ARHGEF18: variants seen among roughly 807,000 people sequenced by gnomAD.
ARHGEF18 encodes rho guanine nucleotide exchange factor 18.
Under a neutral mutation model 155.7 loss-of-function variants are expected in ARHGEF18, and 93 were observed. The observed-to-expected ratio is 0.60, with a 90% CI of 0.50 to 0.71. The LOEUF (loss-of-function observed/expected upper bound fraction) is 0.71. Among genes scored for constraint, ARHGEF18 ranks in the 30% least tolerant of loss-of-function variants. ARHGEF18 has a pLI of 0.00. For missense variants in ARHGEF18, 1,593 were observed against 1,816.1 expected (o/e 0.88, Z 2.23); for synonymous variants, 742 against 753.1 (o/e 0.99, Z 0.24).
chr19:7,467,569 G>T lies in ARHGEF18; in HGVS notation c.3365G>T (p.Arg1122Leu). 2.0e-6 allele frequency: 3 copies of T among 1,492,828 alleles called. No individual in the cohort carries two copies. The highest frequency in any genetic ancestry group is 2.7e-6 in the Non-Finnish European group (3 of 1,130,142). 92.5% of individuals were successfully genotyped at this position (1,492,828 alleles called of 1,614,324 possible). Residue 1122 changes from arginine (R) to leucine (L), a missense_variant, in exon 26 of 29, where the codon CGG (arginine) becomes CTG (leucine). Transcript: ENST00000668164. ...QRQAYQHDLE[R>L]LREAQRAVER... ...CAGGCCTACCAGCACGACCTGGAGC[G>T]GCTGCGCGAGGCCCAGCGTGCCGTG...
chr19:7,375,790 A>T lies in ARHGEF18; in HGVS notation c.346A>T (p.Asn116Tyr). The change falls in exon 4 of 29, where the codon AAC becomes TAC. Residue 116 changes from asparagine (N) to tyrosine (Y), a missense_variant. Asn to Tyr is a moderately radical substitution (Grantham distance 143). Transcript: ENST00000668164. ...LPRTLASLAL[N>Y]LPGGGLKTWT... ...CCGAACACTGGCCAGCCTTGCTTTG[A>T]ACCTGCCAGGAGGAGGGCTGAAGAC... is the stretch of plus-strand genomic sequence containing the variant. 3.2e-6 allele frequency: 4 copies of T among 1,234,492 alleles called. No homozygotes were observed. Among genetic ancestry groups the T allele is most frequent in the Middle Eastern group, 4.1e-4 (2 of 4,842 alleles). The allele number at this position is 1,234,492 out of a possible 1,614,324, so 76.5% of individuals were successfully genotyped here.
At chr19:7,387,656 C>T (rs772274268) in intron 10 of ARHGEF18, among the ~76,000 whole-genome samples, 1 of 151,980 alleles carries the variant, frequency 6.6e-6, no homozygotes, top group Non-Finnish European at 1.5e-5. Flanking sequence ...TCGGTGGTTC[C>T]CAAGCTACAT....
chr19:7,412,400 T>C (rs1972740484), intron 10 of ARHGEF18, among the ~76,000 whole-genome samples: 1 of 151,906 alleles, frequency 6.6e-6, no homozygotes, highest in Non-Finnish European at 1.5e-5. Context: ...ATGAGGGTCC[T>C]GGTTTCTCCG....
chr19:7,440,452 C>A lies in ARHGEF18; in HGVS notation c.1076C>A (p.Pro359Gln). The A allele has an allele frequency of 6.2e-7, 1 of 1,600,242 alleles. No homozygotes were observed. Among genetic ancestry groups the A allele is most frequent in the African/African-American group, 1.3e-5 (1 of 75,036 alleles). Reference protein sequence around the residue: ...VSQKGGPQPTPSPAGPGTQLG... With the variant: ...VSQKGGPQPTQSPAGPGTQLG... Reference sequence around the variant, plus strand: ...CAGAAAGGGGGTCCCCAGCCAACACCGAGCCCGGCTGGCCCTGGGACGCAA... The same window carrying A: ...CAGAAAGGGGGTCCCCAGCCAACACAGAGCCCGGCTGGCCCTGGGACGCAA... The change falls in exon 11 of 29, where the codon CCG (proline) becomes CAG (glutamine). Residue 359 changes from proline (P) to glutamine (Q), a missense_variant. Pro to Gln is a moderately conservative substitution (Grantham distance 76). Coordinates refer to ENST00000668164, the MANE Select transcript of ARHGEF18 (RefSeq NM_001367823.1). The surrounding 1 kb of genome is among the most constrained non-coding windows in gnomAD (Gnocchi z 5.4).
intron 15 of ARHGEF18, among the ~76,000 whole-genome samples, chr19:7,450,131 G>A (rs566677041): frequency 5.6e-4 from 85 of 151,608 alleles, no homozygotes; most frequent in African/African-American, 1.1e-3. Context: ...GGCAGAAACC[G>A]AGATGTTAAT....
At chr19:7,423,662 G>A (rs1482047413) in intron 10 of ARHGEF18, among the ~76,000 whole-genome samples, 5 of 149,798 alleles carry the variant, frequency 3.3e-5, no homozygotes, top group South Asian at 2.1e-4. Context: ...CCGAGATCGC[G>A]CCACTGCACT....
chr19:7,383,798 A>G (rs1380361844), intron 10 of ARHGEF18, among the ~76,000 whole-genome samples: 1 of 122,650 alleles, frequency 8.2e-6, no homozygotes, highest in African/African-American at 3.1e-5. Flanking sequence ...AAAGGACAGA[A>G]GTGGGGGAGT....
chr19:7,453,661 C>G lies in ARHGEF18; in HGVS notation c.2050C>G (p.Gln684Glu), dbSNP rs1264935855. The change falls in exon 17 of 29, where the codon CAG (glutamine) becomes GAG (glutamate). Residue 684 changes from glutamine (Q) to glutamate (E), a missense_variant. Gln to Glu is a conservative substitution (Grantham distance 29). Transcript: ENST00000668164. ...CCGCAAGGAAGACATGCTTCAGCGG[C>G]AGCTCCACCTGGAGGGCATGCTATG... is the stretch of plus-strand genomic sequence containing the variant. ...TFRKEDMLQR[Q>E]LHLEGMLCWK... The G allele has an allele frequency of 6.2e-7, 1 of 1,606,556 alleles. No individual in the cohort carries two copies. The highest frequency in any genetic ancestry group is 8.5e-7 in the Non-Finnish European group (1 of 1,174,554).
At chr19:7,424,245 C>T (rs1026603008) in intron 10 of ARHGEF18, among the ~76,000 whole-genome samples, 9 of 152,010 alleles carry the variant, frequency 5.9e-5, no homozygotes, top group South Asian at 2.1e-4. Flanking sequence ...AGGCTGGTCT[C>T]GAACTCCCGA....
chr19:7,477,550 G>T, the ARHGEF18 span: 1 of 877,430 alleles, frequency 1.1e-6, no homozygotes, highest in Non-Finnish European at 1.6e-6. Context: ...TGAGTGGGAG[G>T]AGCTGGCAGG....
chr19:7,378,157 TC>T (rs1286398481), intron 5 of ARHGEF18, among the ~76,000 whole-genome samples: 3 of 152,074 alleles, frequency 2.0e-5, no homozygotes, highest in Non-Finnish European at 4.4e-5. Context: ...AGTCTGCTGA[TC>T]TCACACACGT....
intron 10 of ARHGEF18, among the ~76,000 whole-genome samples, chr19:7,383,886 T>G (rs1970864477): frequency 6.6e-6 from 1 of 152,040 alleles, no homozygotes; most frequent in Non-Finnish European, 1.5e-5. Flanking sequence ...TTCTGCTTCC[T>G]GGGGCACTTG....
chr19:7,473,772 T>C (rs939312208), downstream of ARHGEF18, among the ~76,000 whole-genome samples: 33 of 132,540 alleles, frequency 2.5e-4, no homozygotes, highest in African/African-American at 6.1e-4. Flanking sequence ...ATTGCGCCAC[T>C]GCACTCAGCC....
chr19:7,393,047 CAAAAA>C (rs60015151), intron 10 of ARHGEF18, among the ~76,000 whole-genome samples: 6 of 56,672 alleles, frequency 1.1e-4, no homozygotes, highest in African/African-American at 1.9e-4. Flanking sequence ...GATCCTGTCT[CAAAAA>C]AAAAAAAAAA....
intron 10 of ARHGEF18, among the ~76,000 whole-genome samples, chr19:7,436,239 T>G (rs1974247711): frequency 6.6e-6 from 1 of 151,582 alleles, no homozygotes; most frequent in Admixed American, 6.6e-5. Flanking sequence ...ATTTTGGGAA[T>G]TGGCATTGCT....
chr19:7,451,063 T>G, intron 15 of ARHGEF18, 86 bp from the exon 16 acceptor site: 2 of 1,262,776 alleles, frequency 1.6e-6, no homozygotes, highest in Non-Finnish European at 2.3e-6. Flanking sequence ...ATGCGGGATC[T>G]TGCTGTCCGT....
chr19:7,399,205 G>A (rs1971896039), intron 10 of ARHGEF18, among the ~76,000 whole-genome samples: 1 of 152,128 alleles, frequency 6.6e-6, no homozygotes, highest in Non-Finnish European at 1.5e-5. Flanking sequence ...CAGCACCAGT[G>A]GAAGCCTCGC....
chr19:7,362,210 AAAG>A (rs1285793792), intron 1 of ARHGEF18, among the ~76,000 whole-genome samples: 5 of 128,436 alleles, frequency 3.9e-5, no homozygotes, highest in Admixed American at 7.4e-5. Context: ...AAGAAGGAGA[AAAG>A]AAGAGGAAGA....
chr19:7,392,953 G>A (rs775961407), intron 10 of ARHGEF18, among the ~76,000 whole-genome samples: 6 of 149,370 alleles, frequency 4.0e-5, no homozygotes, highest in African/African-American at 4.9e-5. Context: ...AGGCTGAGGT[G>A]GGAGGACAAC....
Sources: allele counts gnomAD v4.1 joint callset (sites outside exome capture counted in the v4.1 genomes callset), GRCh38; gene constraint gnomAD v4.1.1; non-coding constraint Gnocchi (gnomAD v3.1); transcripts MANE v1.5; gene names NCBI Gene and HGNC (gene_info 2026-07-23, HGNC 2026-07-21).